Variants in HIP1R observed in about 807,000 individuals in gnomAD.
HIP1R encodes huntingtin-interacting protein 1-related protein.
Under a neutral mutation model 144.2 loss-of-function variants are expected in HIP1R, and 135 were observed. The ratio of observed to expected loss-of-function variants is 0.94; its 90% confidence interval spans 0.81 to 1.08. The LOEUF (loss-of-function observed/expected upper bound fraction) is 1.08, where lower values mean the gene tolerates loss of function less well. Ranked by LOEUF, HIP1R falls within the 50% of genes least tolerant of loss-of-function variation. HIP1R has a pLI of 0.00. For synonymous variants in HIP1R, 698 were observed against 612.8 expected, an observed-to-expected ratio of 1.14 and a Z score of -2.05; for missense variants, 1,462 against 1,432.8, an observed-to-expected ratio of 1.02 and a Z score of -0.33.
In HIP1R at chr12:122,856,442, C is replaced by T; in HGVS notation, c.1412C>T (p.Thr471Ile). 6 of 1,593,096 alleles carry T rather than the reference C, an allele frequency of 3.8e-6. No homozygotes were observed. The highest frequency in any genetic ancestry group is 4.3e-6 in the Non-Finnish European group (5 of 1,169,652). The part of the protein sequence containing the change: ...HAELLRKNAD[T>I]AKQLTVTQQS... ...CCCCTGCCCATGCAGAACGCGGACA[C>T]AGCCAAGCAGCTGACGGTGACGCAG... Residue 471 changes from threonine (T) to isoleucine (I), a missense_variant, in exon 16 of 32, where the codon ACA becomes ATA. Physicochemically the swap from Thr to Ile is moderately conservative, Grantham distance 89 (BLOSUM62 -1). Coordinates refer to ENST00000253083, the MANE Select transcript of HIP1R (RefSeq NM_003959.3).
intron 28 of HIP1R, 61 bp from the exon 29 acceptor site, chr12:122,860,855 C>G: frequency 1.3e-6 from 2 of 1,597,280 alleles, no homozygotes; most frequent in Non-Finnish European, 1.7e-6. Flanking sequence ...GCTGCCAAGC[C>G]CAGGCCTGCT....
Position 122,855,303 on chromosome 12 carries a change from G to A in HIP1R, c.891G>A (p.Glu297=), listed in dbSNP as rs761984492. The A allele has an allele frequency of 1.1e-5, 17 of 1,612,528 alleles. No homozygotes were observed. Among genetic ancestry groups the A allele is most frequent in the East Asian group, 6.7e-5 (3 of 44,852 alleles). The part of the protein sequence containing the change: ...PNFLRASALA[E]HIKPVVVIPE... The stretch of plus-strand genomic sequence containing the variant: ...TCCTGCGGGCCTCAGCCCTGGCTGA[G>A]CACATCAAGCCGGTGGTGGTGATCC... The change falls in exon 11 of 32, where the codon GAG becomes GAA. Residue 297 remains glutamate (E), a synonymous_variant. Coordinates refer to ENST00000253083, the MANE Select transcript of HIP1R (RefSeq NM_003959.3).
chr12:122,859,935 C>A, intron 24 of HIP1R, 105 bp downstream of exon 24: 1 of 1,463,026 alleles, frequency 6.8e-7, no homozygotes, highest in Non-Finnish European at 9.3e-7. Flanking sequence ...AGGCCTGGCT[C>A]AGAGCAGACA....
upstream of HIP1R, chr12:122,834,912 A>G (rs2135617818): frequency 7.8e-7 from 1 of 1,276,750 alleles, no homozygotes. Flanking sequence ...ACCAAAAAGG[A>G]AAAAAAGCGT....
chr12:122,858,884 T>C lies in HIP1R; in HGVS notation c.2097T>C (p.Ala699=), dbSNP rs750850146. The change falls in exon 21 of 32, where the codon GCT becomes GCC. Residue 699 remains alanine (A), a synonymous_variant. Transcript: ENST00000253083. ...VAALTRFSHL[A]ADTIINGGAT... ...CTCTGACCCGCTTCTCCCACCTGGC[T>C]GCGGATACCATCATCAATGGCGGTG... is the stretch of plus-strand genomic sequence containing the variant. 6.2e-7 allele frequency: 1 copy of C among 1,613,262 alleles called. No homozygotes were observed.
At chr12:122,844,468 C>A (rs2033152727) in intron 1 of HIP1R, among the ~76,000 whole-genome samples, 1 of 152,196 alleles carries the variant, frequency 6.6e-6, no homozygotes, top group Non-Finnish European at 1.5e-5. Flanking sequence ...CAGAGACCTC[C>A]CCTGACCCAG....
rs756907074 is a variant in HIP1R, at chr12:122,860,053, C to G, written c.2472C>G (p.Leu824=). ...CTCTCCTTCTCTCCCCCAGGATCCT[C>G]AACTCCTGCACAGACCTGATGAAGG... ...GVKLEVNERI[L]NSCTDLMKAI... is the part of the protein sequence containing the mutation. The change falls in exon 25 of 32, where the codon CTC becomes CTG. Residue 824 remains leucine, a synonymous_variant. Coordinates refer to ENST00000253083, the MANE Select transcript of HIP1R (RefSeq NM_003959.3). The G allele has an allele frequency of 6.4e-7, 1 of 1,558,910 alleles. No individual in the cohort carries two copies. The highest frequency in any genetic ancestry group is 8.7e-7 in the Non-Finnish European group (1 of 1,153,462).
chr12:122,855,904 G>C lies in HIP1R; in HGVS notation c.1128+1G>C. 7.1e-7 allele frequency: 1 copy of C among 1,416,666 alleles called. No individual in the cohort carries two copies. The highest frequency in any genetic ancestry group is 9.4e-7 in the Non-Finnish European group (1 of 1,063,340). 87.8% of individuals were successfully genotyped at this position (1,416,666 alleles called of 1,614,324 possible). On this transcript the variant is annotated splice_donor_variant, in intron 13 of 31. Transcript: ENST00000253083. LOFTEE classifies it high-confidence loss of function. ...TGAACTGGAGAAGATCAAGCTGGAG[G>C]TGCGGGGTGGGGATGGGTGGGGGCC...
At position 122,859,205 on chromosome 12, in the gene HIP1R, A is replaced by C; in HGVS notation, c.2295+8A>C. 1 of 1,568,514 alleles carries C rather than the reference A, an allele frequency of 6.4e-7. No homozygotes were observed. Among genetic ancestry groups the C allele is most frequent in the East Asian group, 2.3e-5 (1 of 42,718 alleles). ...ATCCTTCAGCTGGGCCAGGTGAGGC[A>C]CAGCTGAGTGTGGGTTTGGGAGGCT... On this transcript the variant is annotated splice_region_variant and intron_variant, in intron 22 of 31. Coordinates refer to ENST00000253083, the MANE Select transcript of HIP1R (RefSeq NM_003959.3).
intron 1 of HIP1R, among the ~76,000 whole-genome samples, chr12:122,837,445 A>C (rs957907625): frequency 6.6e-6 from 1 of 151,982 alleles, no homozygotes; most frequent in African/African-American, 2.4e-5. Context: ...CAGCCTCCCA[A>C]GTGGCTGGGA....
chr12:122,841,790 C>A (rs556341602), intron 1 of HIP1R, among the ~76,000 whole-genome samples: 2 of 152,250 alleles, frequency 1.3e-5, no homozygotes. Flanking sequence ...CAGGAACAGT[C>A]CTCCTACTAC....
At position 122,861,058 on chromosome 12, in the gene HIP1R, C is replaced by T. The variant is rs374279429; in HGVS notation, c.2890+19C>T. 1.0e-4 allele frequency: 168 copies of T among 1,613,568 alleles called. No homozygotes were observed. In the African/African-American group the frequency reaches 1.7e-3, roughly 16 times the overall value. ...GACAGAGGTGAGTGCCAGATGCCAA[C>T]GGGGGCTGCTGGCTCCCGAGGCTGA... On this transcript the variant is annotated intron_variant, in intron 29 of 31. Coordinates refer to ENST00000253083, the MANE Select transcript of HIP1R (RefSeq NM_003959.3).
chr12:122,860,032 CCTT>C lies in HIP1R; in HGVS notation c.2466-12_2466-10del, dbSNP rs754059789. 18 of 1,550,698 alleles carry C rather than the reference CCTT, an allele frequency of 1.2e-5. No individual in the cohort carries two copies. Among genetic ancestry groups the C allele is most frequent in the Admixed American group, 1.9e-5 (1 of 52,074 alleles). ...TCTGCAGAGCGGCAGCTAAGTCTCT[CCTT>C]CTCTCCCCCAGGATCCTCAACTCCT... On this transcript the variant is annotated splice_polypyrimidine_tract_variant and intron_variant, in intron 24 of 31. Coordinates refer to ENST00000253083, the MANE Select transcript of HIP1R (RefSeq NM_003959.3).
At chr12:122,837,547 GA>G (rs556748047) in intron 1 of HIP1R, among the ~76,000 whole-genome samples, 61 of 152,334 alleles carry the variant, frequency 4.0e-4, no homozygotes, top group Non-Finnish European at 6.2e-4. Context: ...TCGAACTCCT[GA>G]CCTCAGGCGA....
intron 1 of HIP1R, among the ~76,000 whole-genome samples, chr12:122,846,775 C>T (rs973131652): frequency 6.6e-6 from 1 of 152,196 alleles, no homozygotes; most frequent in African/African-American, 2.4e-5. Context: ...CAGAGGCTGC[C>T]TGGCCCAGCC....
At chr12:122,837,485 A>G (rs537292825) in intron 1 of HIP1R, among the ~76,000 whole-genome samples, 4 of 152,202 alleles carry the variant, frequency 2.6e-5, no homozygotes, top group South Asian at 4.2e-4. Context: ...CACCTGGCTA[A>G]TTTTTGTGTT....
chr12:122,835,363 G>A (rs1260832771), upstream of HIP1R: 1 of 1,064,678 alleles, frequency 9.4e-7, no homozygotes, highest in Non-Finnish European at 1.1e-6. Context: ...CGGGCGCGGG[G>A]GGCGGGTTTG....
chr12:122,860,752 G>A lies in HIP1R; in HGVS notation c.2734G>A (p.Ala912Thr). The A allele has an allele frequency of 6.2e-7, 1 of 1,613,204 alleles. No homozygotes were observed. The highest frequency in any genetic ancestry group is 8.5e-7 in the Non-Finnish European group (1 of 1,179,936). The change falls in exon 28 of 32, where the codon GCC (alanine) becomes ACC (threonine). Residue 912 changes from alanine (A) to threonine (T), a missense_variant. Ala to Thr is a moderately conservative substitution (Grantham distance 58, BLOSUM62 0). This residue lies in a region of HIP1R where 1,112 missense variants were observed against 1,011.7 expected (regional missense o/e 1.10). Coordinates refer to ENST00000253083, the MANE Select transcript of HIP1R (RefSeq NM_003959.3). ...ELIVCSHEIA[A>T]STAQLVAASK... is the part of the protein sequence containing the mutation. ...CATCGTCTGCTCCCACGAGATCGCAGCCAGCACGGCCCAGCTGGTGGCGGC... is the reference window on the plus strand; with the variant it reads ...CATCGTCTGCTCCCACGAGATCGCAACCAGCACGGCCCAGCTGGTGGCGGC...
chr12:122,856,108 G>C lies in HIP1R; in HGVS notation c.1257G>C (p.Leu419=). ...NEQLRHELAQ[L]RAAQLEGERS... ...AGCTCCGCCACGAGCTGGCCCAGCT[G>C]AGGGCTGCCCAGCTGGAGGGCGAGC... is the stretch of plus-strand genomic sequence containing the variant. Residue 419 remains leucine (L), a synonymous_variant, in exon 14 of 32, where the codon CTG becomes CTC. Transcript: ENST00000253083. 6.3e-7 allele frequency: 1 copy of C among 1,588,270 alleles called. No individual in the cohort carries two copies. Among genetic ancestry groups the C allele is most frequent in the Non-Finnish European group, 8.6e-7 (1 of 1,167,900 alleles).
Sources: gnomAD v4.1 joint callset for allele counts (sites outside exome capture counted in the v4.1 genomes callset) on GRCh38, gnomAD v4.1.1 for gene constraint, gnomAD v4.1.1 regional missense constraint, MANE v1.5 for transcripts, NCBI Gene and HGNC (gene_info 2026-07-23, HGNC 2026-07-21) for gene names.